Variants in PLCB1 observed in about 807,000 individuals in gnomAD.
PLCB1 encodes the protein 1-phosphatidylinositol 4,5-bisphosphate phosphodiesterase beta-1.
In PLCB1, 46 loss-of-function variants were observed where a neutral mutation model predicts 161.8. The ratio of observed to expected loss-of-function variants is 0.28; its 90% CI spans 0.22 to 0.36. The LOEUF is 0.36. Among genes scored for constraint, PLCB1 ranks in the 10% least tolerant of loss-of-function variants. PLCB1 has a pLI of 1.00. For synonymous variants in PLCB1, 517 were observed against 503.7 expected (o/e 1.03, Z -0.35); for missense variants, 1,016 against 1,472.5 (o/e 0.69, Z 5.07).
At chr20:8,282,780 T>C (rs1187334873) in intron 2 of PLCB1, among the ~76,000 whole-genome samples, 1 of 152,096 alleles carries the variant, frequency 6.6e-6, no homozygotes, top group Non-Finnish European at 1.5e-5. Flanking sequence ...CTGCTTTTAA[T>C]TAAACTCCTA....
At chr20:8,683,306 G>A (rs562837568) in intron 9 of PLCB1, among the ~76,000 whole-genome samples, 2 of 151,246 alleles carry the variant, frequency 1.3e-5, no homozygotes, top group Admixed American at 6.6e-5. Flanking sequence ...TTCAAAACAA[G>A]TTTTATTTTT....
At chr20:8,622,160 A>G (rs1376709426) in intron 3 of PLCB1, among the ~76,000 whole-genome samples, 1 of 151,912 alleles carries the variant, frequency 6.6e-6, no homozygotes, top group African/African-American at 2.4e-5. Flanking sequence ...AGGCTGAGGC[A>G]GGAGAATCGC....
At chr20:8,780,245 T>C (rs1225669433) in intron 27 of PLCB1, among the ~76,000 whole-genome samples, 1 of 152,184 alleles carries the variant, frequency 6.6e-6, no homozygotes, top group Admixed American at 6.5e-5. Context: ...GGTACTCAGC[T>C]CTACCATCAC....
chr20:8,263,692 T>C (rs977056581), intron 2 of PLCB1, among the ~76,000 whole-genome samples: 4 of 152,164 alleles, frequency 2.6e-5, no homozygotes, highest in African/African-American at 9.7e-5. Flanking sequence ...CTGTAAGCAA[T>C]TGTAACATAA....
Position 8,183,210 on chromosome 20 carries a change from G to T in PLCB1, c.177+32839G>T, listed in dbSNP as rs2051865893. Reference sequence around the variant, plus strand: ...AAGGAGATTGGCTATCTTTCCTTCAGGGTTCCAGTCCTGGTTCTTCCTTTA... The same window carrying T: ...AAGGAGATTGGCTATCTTTCCTTCATGGTTCCAGTCCTGGTTCTTCCTTTA... On this transcript the variant is annotated intron_variant, in intron 2 of 31. Coordinates refer to ENST00000338037, the MANE Select transcript of PLCB1 (RefSeq NM_015192.4). Among the ~76,000 whole-genome samples, 3 of 152,126 alleles carry T rather than the reference G, an allele frequency of 2.0e-5. No individual in the cohort carries two copies. The South Asian group carries it at 6.2e-4, about 32-fold the overall frequency.
chr20:8,270,554 A>T (rs6077340), intron 2 of PLCB1, among the ~76,000 whole-genome samples: 3 of 151,996 alleles, frequency 2.0e-5, no homozygotes, highest in Non-Finnish European at 2.9e-5. Flanking sequence ...TCAGTTAATG[A>T]GGAGAAACTA....
At chr20:8,593,719 T>C (rs1987231374) in intron 3 of PLCB1, among the ~76,000 whole-genome samples, 1 of 152,108 alleles carries the variant, frequency 6.6e-6, no homozygotes, top group Admixed American at 6.5e-5. Flanking sequence ...AATTTTGCAA[T>C]ACTAATTTTG....
chr20:8,365,702 G>A (rs1418309109), intron 2 of PLCB1, among the ~76,000 whole-genome samples: 2 of 152,092 alleles, frequency 1.3e-5, no homozygotes, highest in African/African-American at 4.8e-5. Context: ...ATATATTAAT[G>A]TATTCTACTT....
At chr20:8,183,810 A>G (rs2051872531) in intron 2 of PLCB1, among the ~76,000 whole-genome samples, 1 of 152,168 alleles carries the variant, frequency 6.6e-6, no homozygotes, top group African/African-American at 2.4e-5. Context: ...TCACTAATTT[A>G]AGCTTATCAG....
chr20:8,577,696 C>T (rs1986719288), intron 3 of PLCB1, among the ~76,000 whole-genome samples: 1 of 152,012 alleles, frequency 6.6e-6, no homozygotes, highest in Non-Finnish European at 1.5e-5. Flanking sequence ...GGACAGTAAA[C>T]CATGCTAGAG....
chr20:8,657,874 A>G (rs1390250395), intron 8 of PLCB1, among the ~76,000 whole-genome samples: 1 of 152,168 alleles, frequency 6.6e-6, no homozygotes. Context: ...AAATCAATAC[A>G]AAATGTGGTA....
intron 3 of PLCB1, among the ~76,000 whole-genome samples, chr20:8,420,977 G>T (rs778909617): frequency 1.6e-4 from 25 of 152,160 alleles, no homozygotes; most frequent in Non-Finnish European, 3.4e-4. Context: ...GTCTGAAAAA[G>T]AACTAAAAAA....
At chr20:8,241,970 G>C (rs940161771) in intron 2 of PLCB1, among the ~76,000 whole-genome samples, 17 of 151,966 alleles carry the variant, frequency 1.1e-4, no homozygotes, top group African/African-American at 3.6e-4. Context: ...TAATGTACAA[G>C]AACAGAGCTC....
chr20:8,243,797 G>T (rs1016713278), intron 2 of PLCB1, among the ~76,000 whole-genome samples: 1 of 151,900 alleles, frequency 6.6e-6, no homozygotes. Context: ...GTTTTTAGCT[G>T]TTCTCTTAGA....
chr20:8,210,541 A>G (rs1440676970), intron 2 of PLCB1, among the ~76,000 whole-genome samples: 1 of 152,160 alleles, frequency 6.6e-6, no homozygotes, highest in Admixed American at 6.6e-5. Flanking sequence ...GCAAGGGATC[A>G]AAGGATCATT....
At chr20:8,317,497 T>C (rs918421688) in intron 2 of PLCB1, among the ~76,000 whole-genome samples, 2 of 152,088 alleles carry the variant, frequency 1.3e-5, no homozygotes, top group Non-Finnish European at 2.9e-5. Context: ...GCAAGATTTG[T>C]TGAGTGAGTA....
chr20:8,643,711 A>C (rs1302424313), intron 4 of PLCB1, among the ~76,000 whole-genome samples: 1 of 150,926 alleles, frequency 6.6e-6, no homozygotes, highest in African/African-American at 2.4e-5. Flanking sequence ...AACATGGTGA[A>C]ACCCCGTCTC....
chr20:8,450,449 AG>A (rs1375583437), intron 3 of PLCB1, among the ~76,000 whole-genome samples: 5 of 151,916 alleles, frequency 3.3e-5, no homozygotes, highest in African/African-American at 1.2e-4. Flanking sequence ...GATCATTCTT[AG>A]GTAACATTTT....
At chr20:8,634,515 G>C (rs940479043) in intron 4 of PLCB1, among the ~76,000 whole-genome samples, 5 of 152,052 alleles carry the variant, frequency 3.3e-5, no homozygotes, top group African/African-American at 1.2e-4. Flanking sequence ...TCTCTTTCCT[G>C]CTCCCCATTC....
Sources: allele counts gnomAD v4.1 joint callset (sites outside exome capture counted in the v4.1 genomes callset), GRCh38; gene constraint gnomAD v4.1.1; transcripts MANE v1.5; gene names NCBI Gene and HGNC (gene_info 2026-07-23, HGNC 2026-07-21).